Variants in NAB1 observed in about 807,000 individuals in gnomAD.
NAB1 encodes NGFI-A-binding protein 1.
NAB1 carries 25 observed loss-of-function variants against 49.9 expected under a neutral mutation model. The ratio of observed to expected loss-of-function variants is 0.50; its 90% CI spans 0.37 to 0.70. The LOEUF (loss-of-function observed/expected upper bound fraction) is 0.70, where lower values mean the gene tolerates loss of function less well. NAB1 is among the 30% of genes least tolerant of loss of function. NAB1 has a pLI of 0.00. For synonymous variants in NAB1, 198 were observed against 215.6 expected (o/e 0.92, Z 0.71); for missense variants, 489 against 575.9 (o/e 0.85, Z 1.54).
At position 190,686,733 on chromosome 2, in the gene NAB1, G is replaced by A. The variant is rs886535755; in HGVS notation, c.1259-468G>A. 2.0e-5 allele frequency among the ~76,000 whole-genome samples: 3 copies of A among 151,940 alleles called. No homozygotes were observed. The highest frequency in any genetic ancestry group is 6.6e-5 in the Admixed American group (1 of 15,250). ...TTTCAGTACATGACAACATGATTGG[G>A]TGTATAATTTTTTCCCATATTTGTG... is the stretch of plus-strand genomic sequence containing the variant. On this transcript the variant is annotated intron_variant, in intron 8 of 9. Transcript: ENST00000337386. The surrounding 1 kb of genome is among the most constrained non-coding windows in gnomAD (Gnocchi z 5.5).
At position 190,678,467 on chromosome 2, in the gene NAB1, A is replaced by G. The variant is rs1428058309; in HGVS notation, c.1006-5271A>G. ...CTAACTGGACTGAGTGCTATTTCTC[A>G]TTTGAGTTTTCTTCATTCGCTGAAA... On this transcript the variant is annotated intron_variant, in intron 6 of 9. Coordinates refer to ENST00000337386, the MANE Select transcript of NAB1 (RefSeq NM_005966.4). The surrounding 1 kb of genome is among the most constrained non-coding windows in gnomAD (Gnocchi z 4.9). Among the ~76,000 whole-genome samples the G allele has an allele frequency of 6.6e-6, 1 of 152,134 alleles. No homozygotes were observed. Among genetic ancestry groups the G allele is most frequent in the East Asian group, 1.9e-4 (1 of 5,198 alleles).
chr2:190,672,965 A>G (rs1287357704), intron 5 of NAB1, 136 bp from the exon 6 acceptor site: 1 of 719,244 alleles, frequency 1.4e-6, no homozygotes, highest in Non-Finnish European at 2.3e-6. Flanking sequence ...TTTAATGATC[A>G]TTATGAATAT....
chr2:190,657,616 C>T lies in NAB1; in HGVS notation c.-20+1463C>T, dbSNP rs1369838102. Among the ~76,000 whole-genome samples the T allele has an allele frequency of 6.6e-6, 1 of 152,154 alleles. No individual in the cohort carries two copies. Among genetic ancestry groups the T allele is most frequent in the East Asian group, 1.9e-4 (1 of 5,200 alleles). On this transcript the variant is annotated intron_variant, in intron 3 of 9. Coordinates refer to ENST00000337386, the MANE Select transcript of NAB1 (RefSeq NM_005966.4). This position sits in a 1 kb window ranked among gnomAD's most constrained non-coding sequence, Gnocchi z 4.4. ...CTGGTTATGCCCATACTAGCCCTTG[C>T]AAAGAAAGAGACATAAAATTTGCGG...
chr2:190,649,766 T>G lies in NAB1; in HGVS notation c.-333-80T>G, dbSNP rs919196388. On this transcript the variant is annotated intron_variant, in intron 1 of 9. Coordinates refer to ENST00000337386, the MANE Select transcript of NAB1 (RefSeq NM_005966.4). The surrounding 1 kb of genome is among the most constrained non-coding windows in gnomAD (Gnocchi z 6.1). ...CAGGGCAGTCTTTTTGTTTGTTTAC[T>G]TTATAAAAGTGCTGCACTTACCGTC... 6.6e-6 allele frequency: 1 copy of G among 152,250 alleles called. No homozygotes were observed. Among genetic ancestry groups the G allele is most frequent in the Non-Finnish European group, 1.5e-5 (1 of 68,062 alleles). 9.4% of individuals were successfully genotyped at this position (152,250 alleles called of 1,614,324 possible).
At chr2:190,660,612 A>C (rs1694173399) in intron 4 of NAB1, among the ~76,000 whole-genome samples, 1 of 152,206 alleles carries the variant, frequency 6.6e-6, no homozygotes, top group Non-Finnish European at 1.5e-5. Flanking sequence ...TGTGTGTATA[A>C]ACTTTGGCAT....
chr2:190,659,769 CTG>C lies in NAB1; in HGVS notation c.596_597del (p.Val199GlyfsTer2). 1 of 1,614,060 alleles carries C rather than the reference CTG, an allele frequency of 6.2e-7. No homozygotes were observed. Among genetic ancestry groups the C allele is most frequent in the Non-Finnish European group, 8.5e-7 (1 of 1,179,990 alleles). On this transcript the variant is annotated frameshift_variant, in exon 4 of 10. Coordinates refer to ENST00000337386, the MANE Select transcript of NAB1 (RefSeq NM_005966.4). LOFTEE classifies it high-confidence loss of function. The surrounding 1 kb of genome is among the most constrained non-coding windows in gnomAD (Gnocchi z 6.2). Reference sequence around the variant, plus strand: ...GCGCTGGATGCTGCTGCTGCGCTCTCTGTGGCTGAGTGTGTGGAGCGGATGGC... The same window carrying C: ...GCGCTGGATGCTGCTGCTGCGCTCTCTGGCTGAGTGTGTGGAGCGGATGGC...
chr2:190,682,971 A>G lies in NAB1; in HGVS notation c.1006-767A>G, dbSNP rs1177182363. The stretch of plus-strand genomic sequence containing the variant: ...GATAATCTAAGCTATCGAAAATGCT[A>G]TCTCCATGAAAATATTTTTGCAGTG... On this transcript the variant is annotated intron_variant, in intron 6 of 9. Coordinates refer to ENST00000337386, the MANE Select transcript of NAB1 (RefSeq NM_005966.4). The surrounding 1 kb of genome is among the most constrained non-coding windows in gnomAD (Gnocchi z 4.1). Among the ~76,000 whole-genome samples, 1 of 152,354 alleles carries G rather than the reference A, an allele frequency of 6.6e-6. No individual in the cohort carries two copies. The highest frequency in any genetic ancestry group is 1.9e-4 in the East Asian group (1 of 5,192).
At chr2:190,668,659 A>G (rs1205500350) in intron 4 of NAB1, among the ~76,000 whole-genome samples, 1 of 152,218 alleles carries the variant, frequency 6.6e-6, no homozygotes, top group Admixed American at 6.5e-5. Context: ...GTATATTAGA[A>G]TATTGTCATT....
rs1174764297 is a variant in NAB1, at chr2:190,677,903, C to A, written c.1005+4751C>A. On this transcript the variant is annotated intron_variant, in intron 6 of 9. Coordinates refer to ENST00000337386, the MANE Select transcript of NAB1 (RefSeq NM_005966.4). This position sits in a 1 kb window ranked among gnomAD's most constrained non-coding sequence, Gnocchi z 5.6. ...GAAAAAAACACTATTGGGGTTATAC[C>A]TTTCCTCCTAGTACCGTGTGAAGGG... is the stretch of plus-strand genomic sequence containing the variant. 3.3e-5 allele frequency among the ~76,000 whole-genome samples: 5 copies of A among 152,138 alleles called. No homozygotes were observed. Among genetic ancestry groups the A allele is most frequent in the Admixed American group, 6.5e-5 (1 of 15,274 alleles).
intron 4 of NAB1, among the ~76,000 whole-genome samples, chr2:190,660,943 AT>A (rs35775676): frequency 0.085 from 12,310 of 144,698 alleles, 771 homozygotes; most frequent in Middle Eastern, 0.21. Context: ...GTCATAGCTA[AT>A]TTTTTTTTTT....
rs1271685767 is a variant in NAB1 at position 190,663,337 on chromosome 2, C to T, written c.819+3342C>T. On this transcript the variant is annotated intron_variant, in intron 4 of 9. Transcript: ENST00000337386. The surrounding 1 kb of genome is among the most constrained non-coding windows in gnomAD (Gnocchi z 4.2). Reference sequence around the variant, plus strand: ...CACTTATCTCTCCTTAGCTCCTGACCAACCTTGCCAAAGGTTTGCCAATTT... The same window carrying T: ...CACTTATCTCTCCTTAGCTCCTGACTAACCTTGCCAAAGGTTTGCCAATTT... Among the ~76,000 whole-genome samples the T allele has an allele frequency of 6.6e-6, 1 of 152,158 alleles. No individual in the cohort carries two copies. The highest frequency in any genetic ancestry group is 1.9e-4 in the East Asian group (1 of 5,206).
At position 190,692,010 on chromosome 2, in the gene NAB1, A is replaced by G. The variant is rs773067500; in HGVS notation, c.*1677A>G. 6.6e-6 allele frequency: 1 copy of G among 152,600 alleles called. No homozygotes were observed. The highest frequency in any genetic ancestry group is 2.4e-5 in the African/African-American group (1 of 41,444). The allele number at this position is 152,600 out of a possible 1,614,324, so 9.5% of individuals were successfully genotyped here. On this transcript the variant is annotated 3_prime_UTR_variant, in exon 10 of 10. Transcript: ENST00000337386. This position sits in a 1 kb window ranked among gnomAD's most constrained non-coding sequence, Gnocchi z 5.2. ...TCCCCTTCCTAAATGTTTTAATTGTACCATAGTGTTTTGCTCACTGAAGAA... is the reference window on the plus strand; with the variant it reads ...TCCCCTTCCTAAATGTTTTAATTGTGCCATAGTGTTTTGCTCACTGAAGAA...
Position 190,677,260 on chromosome 2 carries a change from T to A in NAB1, c.1005+4108T>A, listed in dbSNP as rs1416071419. The stretch of plus-strand genomic sequence containing the variant: ...AGTAATCAAGATAATCTGTTGTCCT[T>A]AAATAGTGTTCCTCCTTACAGGGTA... On this transcript the variant is annotated intron_variant, in intron 6 of 9. Transcript: ENST00000337386. This position sits in a 1 kb window ranked among gnomAD's most constrained non-coding sequence, Gnocchi z 5.6. The A allele has an allele frequency of 6.6e-6, 1 of 152,246 alleles. No individual in the cohort carries two copies. The highest frequency in any genetic ancestry group is 6.5e-5 in the Admixed American group (1 of 15,288). 9.4% of individuals were successfully genotyped at this position (152,246 alleles called of 1,614,324 possible). A position where few individuals can be genotyped will look rare whatever the true frequency, so the allele number is the denominator to read the frequency against.
rs1296840484 is a variant in NAB1 at position 190,654,086 on chromosome 2, A to G, written c.-196-1891A>G. ...AGACATTGGGTTTCATTGCACAGCA[A>G]CCTTTCCAGAGATGTTATTCATCAT... On this transcript the variant is annotated intron_variant, in intron 2 of 9. Transcript: ENST00000337386. The surrounding 1 kb of genome is among the most constrained non-coding windows in gnomAD (Gnocchi z 5.6). Among the ~76,000 whole-genome samples, 1 of 152,206 alleles carries G rather than the reference A, an allele frequency of 6.6e-6. No homozygotes were observed. The highest frequency in any genetic ancestry group is 1.5e-5 in the Non-Finnish European group (1 of 68,036).
rs1435856477 is a variant in NAB1 at position 190,682,296 on chromosome 2, AATAG to A, written c.1006-1437_1006-1434del. ...CTCATTTGGTCCTCACAACAATCCT[AATAG>A]ATAGGTTCTCCTATCCTCAATTTTC... On this transcript the variant is annotated intron_variant, in intron 6 of 9. Transcript: ENST00000337386. The surrounding 1 kb of genome is among the most constrained non-coding windows in gnomAD (Gnocchi z 4.1). Among the ~76,000 whole-genome samples the A allele has an allele frequency of 6.6e-6, 1 of 152,184 alleles. No homozygotes were observed. The highest frequency in any genetic ancestry group is 1.5e-5 in the Non-Finnish European group (1 of 68,032).
In NAB1 at chr2:190,667,192, T is replaced by C. The variant is rs143099718; in HGVS notation, c.820-3134T>C. The stretch of plus-strand genomic sequence containing the variant: ...GAATTCAGTGACAATGAATGCATTA[T>C]GTTTATTTTTCTTGGTTTCTGGAAA... On this transcript the variant is annotated intron_variant, in intron 4 of 9. Coordinates refer to ENST00000337386, the MANE Select transcript of NAB1 (RefSeq NM_005966.4). This position sits in a 1 kb window ranked among gnomAD's most constrained non-coding sequence, Gnocchi z 4.4. Among the ~76,000 whole-genome samples, 1 of 152,190 alleles carries C rather than the reference T, an allele frequency of 6.6e-6. No individual in the cohort carries two copies. Among genetic ancestry groups the C allele is most frequent in the Non-Finnish European group, 1.5e-5 (1 of 68,030 alleles).
At position 190,685,777 on chromosome 2, in the gene NAB1, A is replaced by G; in HGVS notation, c.1258+139A>G. 1.3e-6 allele frequency: 1 copy of G among 751,602 alleles called. No individual in the cohort carries two copies. The highest frequency in any genetic ancestry group is 1.9e-6 in the Non-Finnish European group (1 of 529,166). The allele number at this position is 751,602 out of a possible 1,614,324, so 46.6% of individuals were successfully genotyped here. ...TTCTCTTATCAAAATTATTTTTTGA[A>G]TTCTTCATTTTTCTAAAAAGATAAT... On this transcript the variant is annotated intron_variant, in intron 8 of 9. Transcript: ENST00000337386. The surrounding 1 kb of genome is among the most constrained non-coding windows in gnomAD (Gnocchi z 4.5).
chr2:190,657,711 G>A lies in NAB1; in HGVS notation c.-19-1447G>A, dbSNP rs568449335. The stretch of plus-strand genomic sequence containing the variant: ...ACTTCCGGTAGTCAGTGCTTAGAGT[G>A]GTAGGGACACCCATTCTCCTGGCTT... On this transcript the variant is annotated intron_variant, in intron 3 of 9. Coordinates refer to ENST00000337386, the MANE Select transcript of NAB1 (RefSeq NM_005966.4). The surrounding 1 kb of genome is among the most constrained non-coding windows in gnomAD (Gnocchi z 4.4). Among the ~76,000 whole-genome samples the A allele has an allele frequency of 6.6e-6, 1 of 152,296 alleles. No individual in the cohort carries two copies. The highest frequency in any genetic ancestry group is 2.4e-5 in the African/African-American group (1 of 41,558).
intron 4 of NAB1, among the ~76,000 whole-genome samples, chr2:190,661,219 C>T (rs1019591901): frequency 6.6e-6 from 1 of 152,214 alleles, no homozygotes; most frequent in African/African-American, 2.4e-5. Flanking sequence ...GTATGAGCCA[C>T]TGTACCTAGC....
Sources: allele counts gnomAD v4.1 joint callset (sites outside exome capture counted in the v4.1 genomes callset), GRCh38; gene constraint gnomAD v4.1.1; non-coding constraint Gnocchi (gnomAD v3.1); transcripts MANE v1.5; gene names NCBI Gene and HGNC (gene_info 2026-07-23, HGNC 2026-07-21).